Variants in TTC28 observed in about 807,000 individuals in gnomAD.
The protein encoded by TTC28 is tetratricopeptide repeat protein 28.
Under a neutral mutation model 198.0 loss-of-function variants are expected in TTC28, and 61 were observed. The observed-to-expected ratio is 0.31, with a 90% CI of 0.25 to 0.38. The LOEUF (loss-of-function observed/expected upper bound fraction) is 0.38. TTC28 is among the 10% of genes least tolerant of loss of function. TTC28 has a pLI of 1.00. For missense variants in TTC28, 2,678 were observed against 3,164.0 expected (o/e 0.85, Z 3.69); for synonymous variants, 1,171 against 1,297.8 (o/e 0.90, Z 2.10).
chr22:28,383,748 CT>C (rs2046531686), intron 2 of TTC28, among the ~76,000 whole-genome samples: 1 of 152,166 alleles, frequency 6.6e-6, no homozygotes, highest in Non-Finnish European at 1.5e-5. Flanking sequence ...CATCATTTCT[CT>C]TGCCTAGATC....
chr22:28,380,691 T>A (rs1488185047), intron 2 of TTC28, among the ~76,000 whole-genome samples: 1 of 152,202 alleles, frequency 6.6e-6, no homozygotes, highest in Admixed American at 6.5e-5. Flanking sequence ...GGCAGTTTTA[T>A]GGAACAAAAA....
At chr22:28,501,687 A>G (rs1161858852) in intron 2 of TTC28, among the ~76,000 whole-genome samples, 1 of 152,222 alleles carries the variant, frequency 6.6e-6, no homozygotes, top group Admixed American at 6.5e-5. Flanking sequence ...ATTACATATC[A>G]ATGCAATTTT....
intron 6 of TTC28, among the ~76,000 whole-genome samples, chr22:28,133,338 T>C (rs1230191876): frequency 6.6e-6 from 1 of 152,112 alleles, no homozygotes; most frequent in Non-Finnish European, 1.5e-5. Flanking sequence ...CCAACTGAGG[T>C]ACCAGGTTCA....
intron 5 of TTC28, among the ~76,000 whole-genome samples, chr22:28,219,803 G>A (rs1453935814): frequency 6.6e-6 from 1 of 152,180 alleles, no homozygotes; most frequent in Non-Finnish European, 1.5e-5. Flanking sequence ...GTTAGAAAAT[G>A]TTTGTATTTT....
At chr22:27,985,203 G>T in intron 22 of TTC28, 46 bp downstream of exon 22, 2 of 1,409,612 alleles carry the variant, frequency 1.4e-6, no homozygotes, top group Non-Finnish European at 2.0e-6. Context: ...CCCAGGGAGA[G>T]CATGGCAGGC....
intron 2 of TTC28, among the ~76,000 whole-genome samples, chr22:28,332,735 A>C (rs1158917270): frequency 1.3e-5 from 2 of 152,134 alleles, no homozygotes; most frequent in African/African-American, 4.8e-5. Flanking sequence ...CCTAACAATT[A>C]AATGCAACCA....
At chr22:27,990,112 T>C in intron 20 of TTC28, 105 bp from the exon 21 acceptor site, 2 of 1,412,756 alleles carry the variant, frequency 1.4e-6, no homozygotes, top group Non-Finnish European at 1.9e-6. Flanking sequence ...GCATCGCTAA[T>C]GACCCTCTCA....
chr22:28,296,287 A>G lies in TTC28; in HGVS notation c.844T>C (p.Ser282Pro). ...GECRAHGNLG[S>P]AFFSKGNYRE... ...TAATTTCCTTTGGAGAAGAATGCAGAGCCCAGATTCCCATGAGCTCGGCAT... is the reference window on the plus strand; with the variant it reads ...TAATTTCCTTTGGAGAAGAATGCAGGGCCCAGATTCCCATGAGCTCGGCAT... Residue 282 changes from serine to proline, a missense_variant, in exon 5 of 23, where the codon TCT (serine) becomes CCT (proline). By Grantham distance (74) the Ser-to-Pro change is moderately conservative. Coordinates refer to ENST00000397906, the MANE Select transcript of TTC28 (RefSeq NM_001145418.2). The G allele has an allele frequency of 6.4e-7, 1 of 1,550,520 alleles. No individual in the cohort carries two copies. Among genetic ancestry groups the G allele is most frequent in the Non-Finnish European group, 8.7e-7 (1 of 1,146,470 alleles).
intron 12 of TTC28, among the ~76,000 whole-genome samples, chr22:28,092,069 T>C (rs1941831752): frequency 1.3e-5 from 2 of 152,224 alleles, no homozygotes. Context: ...TGCCTTCCCT[T>C]GTTCAGGTCC....
chr22:28,012,462 C>T (rs1938199898), intron 14 of TTC28, among the ~76,000 whole-genome samples: 1 of 152,200 alleles, frequency 6.6e-6, no homozygotes, highest in African/African-American at 2.4e-5. Context: ...CAAGAAGCCA[C>T]TGCTCGCCAG....
At chr22:28,102,888 A>G (rs985522480) in intron 8 of TTC28, among the ~76,000 whole-genome samples, 6 of 152,248 alleles carry the variant, frequency 3.9e-5, no homozygotes, top group African/African-American at 1.4e-4. Flanking sequence ...AAAACATATG[A>G]AAGAAGATGG....
intron 2 of TTC28, among the ~76,000 whole-genome samples, chr22:28,341,214 TATCAAAACAATA>T (rs1163680334): frequency 6.6e-6 from 1 of 152,188 alleles, no homozygotes; most frequent in East Asian, 1.9e-4. Flanking sequence ...GAGACAAATA[TATCAAAACAATA>T]GAGGAAGAAA....
chr22:28,670,099 G>A (rs906676919), intron 1 of TTC28, among the ~76,000 whole-genome samples: 17 of 60,140 alleles, frequency 2.8e-4, no homozygotes, highest in Admixed American at 2.7e-3. Flanking sequence ...AAATAAAAAT[G>A]GGGGGGGGGC....
intron 2 of TTC28, among the ~76,000 whole-genome samples, chr22:28,313,736 C>T (rs988277018): frequency 6.6e-6 from 1 of 152,158 alleles, no homozygotes; most frequent in African/African-American, 2.4e-5. Flanking sequence ...CTGTTTATGA[C>T]AAACCCACAG....
chr22:28,521,258 A>T (rs867688519), intron 2 of TTC28, among the ~76,000 whole-genome samples: 1 of 151,742 alleles, frequency 6.6e-6, no homozygotes, highest in Non-Finnish European at 1.5e-5. Flanking sequence ...ATTAAAAAAA[A>T]TTAACTGGGC....
intron 12 of TTC28, among the ~76,000 whole-genome samples, chr22:28,032,290 GTGTGTA>G (rs58099750): frequency 0.052 from 6,614 of 126,956 alleles, 394 homozygotes; most frequent in South Asian, 0.064. Context: ...GTGTGTGTGT[GTGTGTA>G]TATGTGTGTG....
intron 2 of TTC28, among the ~76,000 whole-genome samples, chr22:28,577,738 T>C (rs1032402098): frequency 1.3e-5 from 2 of 152,216 alleles, no homozygotes; most frequent in South Asian, 4.1e-4. Context: ...TCTCTTTTTA[T>C]AGTTTTTGTC....
At chr22:28,043,675 C>T (rs1164030464) in intron 12 of TTC28, among the ~76,000 whole-genome samples, 2 of 152,146 alleles carry the variant, frequency 1.3e-5, no homozygotes, top group Non-Finnish European at 1.5e-5. Context: ...ACTCCTCACC[C>T]ATATAACCTT....
At chr22:28,645,191 C>T (rs1476220468) in intron 1 of TTC28, among the ~76,000 whole-genome samples, 7 of 151,438 alleles carry the variant, frequency 4.6e-5, no homozygotes, top group East Asian at 1.9e-4. Flanking sequence ...GGTGAAACTC[C>T]GTCTCAAAAA....
Sources: gnomAD v4.1 joint callset for allele counts (sites outside exome capture counted in the v4.1 genomes callset) on GRCh38, gnomAD v4.1.1 for gene constraint, MANE v1.5 for transcripts, NCBI Gene and HGNC (gene_info 2026-07-23, HGNC 2026-07-21) for gene names.